NTM: variants seen among roughly 807,000 people sequenced by gnomAD.
NTM encodes the protein IgLON family member 2.
A neutral mutation model predicts 42.1 loss-of-function variants in NTM; 13 were observed. That is an observed-to-expected ratio of 0.31 (90% confidence interval 0.20 to 0.49). The LOEUF is 0.49. Ranked by LOEUF, NTM falls within the 20% of genes least tolerant of loss-of-function variation. The pLI, the probability that NTM is intolerant of heterozygous loss-of-function variation, is 0.99. For missense variants in NTM, 373 were observed against 452.8 expected, an observed-to-expected ratio of 0.82 and a Z score of 1.60; for synonymous variants, 187 against 179.2, an observed-to-expected ratio of 1.04 and a Z score of -0.35.
At chr11:131,497,351 G>A (rs1170718993) in intron 1 of NTM, among the ~76,000 whole-genome samples, 1 of 142,066 alleles carries the variant, frequency 7.0e-6, no homozygotes, top group East Asian at 2.2e-4. Context: ...ACCATGCCTG[G>A]CTAACTTTTG....
At chr11:132,308,691 C>T (rs1460524785) in intron 5 of NTM, among the ~76,000 whole-genome samples, 1 of 151,684 alleles carries the variant, frequency 6.6e-6, no homozygotes, top group Non-Finnish European at 1.5e-5. Flanking sequence ...GGAGAATATC[C>T]AGTCTTTCAG....
intron 1 of NTM, among the ~76,000 whole-genome samples, chr11:131,887,984 C>T (rs1015564224): frequency 1.3e-5 from 2 of 152,218 alleles, no homozygotes; most frequent in African/African-American, 4.8e-5. Context: ...ATCTCAGCTT[C>T]TGGCTTCAGT....
At chr11:131,487,635 C>A (rs1314683050) in intron 1 of NTM, among the ~76,000 whole-genome samples, 1 of 152,146 alleles carries the variant, frequency 6.6e-6, no homozygotes, top group Non-Finnish European at 1.5e-5. Context: ...ATTGAGGAGA[C>A]AGTTTACAGA....
intron 1 of NTM, among the ~76,000 whole-genome samples, chr11:131,667,261 GGTT>G (rs2069232904): frequency 6.6e-6 from 1 of 152,088 alleles, no homozygotes; most frequent in African/African-American, 2.4e-5. Flanking sequence ...CTCTTCCGTG[GGTT>G]GTTCTTGTTC....
chr11:131,557,201 C>T (rs1377265569), intron 1 of NTM, among the ~76,000 whole-genome samples: 1 of 151,970 alleles, frequency 6.6e-6, no homozygotes. Context: ...AGTAGGGTAA[C>T]TAGGTTGCTA....
chr11:132,090,478 G>A (rs544270626), intron 2 of NTM, among the ~76,000 whole-genome samples: 11 of 152,058 alleles, frequency 7.2e-5, no homozygotes, highest in East Asian at 5.8e-4. Flanking sequence ...TCTGCCCTCC[G>A]TTTTAGGGTG....
At chr11:131,654,371 G>A (rs1186050005) in intron 1 of NTM, among the ~76,000 whole-genome samples, 1 of 152,144 alleles carries the variant, frequency 6.6e-6, no homozygotes, top group Non-Finnish European at 1.5e-5. Flanking sequence ...CCTGGGAGGA[G>A]GTGAGGGGAC....
intron 2 of NTM, among the ~76,000 whole-genome samples, chr11:132,082,471 G>A (rs207472540): frequency 2.8e-4 from 42 of 151,982 alleles, no homozygotes; most frequent in African/African-American, 9.6e-4. Flanking sequence ...AAAAATCAAT[G>A]CGTACTCCAT....
At chr11:131,447,195 C>T (rs979015979) in intron 1 of NTM, among the ~76,000 whole-genome samples, 1 of 152,186 alleles carries the variant, frequency 6.6e-6, no homozygotes, top group South Asian at 2.1e-4. Flanking sequence ...GATAGAACCA[C>T]ATGGTTTTGC....
chr11:131,684,163 C>T (rs543154302), intron 1 of NTM, among the ~76,000 whole-genome samples: 1 of 152,244 alleles, frequency 6.6e-6, no homozygotes, highest in South Asian at 2.1e-4. Context: ...GAAATGAGCT[C>T]CTGTGTGTGG....
chr11:131,634,826 A>G (rs1237146902), intron 1 of NTM, among the ~76,000 whole-genome samples: 1 of 152,194 alleles, frequency 6.6e-6, no homozygotes, highest in Non-Finnish European at 1.5e-5. Flanking sequence ...ATACTTGTAA[A>G]TATTACAAAT....
At chr11:132,024,061 G>T (rs1020270691) in intron 2 of NTM, among the ~76,000 whole-genome samples, 1 of 151,584 alleles carries the variant, frequency 6.6e-6, no homozygotes, top group Non-Finnish European at 1.5e-5. Flanking sequence ...CTCGTGATCC[G>T]CCCACCTCGG....
intron 2 of NTM, among the ~76,000 whole-genome samples, chr11:132,034,290 T>C (rs2076253941): frequency 1.3e-5 from 2 of 152,338 alleles, no homozygotes; most frequent in African/African-American, 4.8e-5. Flanking sequence ...TCTCATCTCT[T>C]TCCTGCCTGC....
At chr11:131,427,789 G>T (rs2135885372) in intron 1 of NTM, among the ~76,000 whole-genome samples, 1 of 152,298 alleles carries the variant, frequency 6.6e-6, no homozygotes, top group South Asian at 2.1e-4. Context: ...TGCTTTGAAG[G>T]GTTGGCATGA....
chr11:131,732,225 T>A (rs563160685), intron 1 of NTM, among the ~76,000 whole-genome samples: 1 of 152,350 alleles, frequency 6.6e-6, no homozygotes, highest in East Asian at 1.9e-4. Flanking sequence ...ATTTGTTATT[T>A]ATTCACCCAA....
chr11:131,637,626 A>G (rs2064572885), intron 1 of NTM, among the ~76,000 whole-genome samples: 1 of 151,564 alleles, frequency 6.6e-6, no homozygotes, highest in East Asian at 2.0e-4. Context: ...TCCTCATACC[A>G]TTATTGAGGG....
chr11:131,926,847 T>C (rs2058024396), intron 2 of NTM, among the ~76,000 whole-genome samples: 2 of 152,220 alleles, frequency 1.3e-5, no homozygotes, highest in Admixed American at 1.3e-4. Context: ...AACTGAAATG[T>C]CATCCTTCTT....
chr11:132,083,986 A>T (rs960918578), intron 2 of NTM, among the ~76,000 whole-genome samples: 8 of 152,040 alleles, frequency 5.3e-5, no homozygotes, highest in African/African-American at 1.9e-4. Context: ...ATTTTAAGCA[A>T]AAGTTAAAAA....
intron 1 of NTM, among the ~76,000 whole-genome samples, chr11:131,549,470 G>A (rs1311107316): frequency 1.3e-5 from 2 of 152,114 alleles, no homozygotes; most frequent in Admixed American, 1.3e-4. Context: ...GTTGTCAACT[G>A]CCTACAAGAT....
Sources: allele counts gnomAD v4.1 joint callset (sites outside exome capture counted in the v4.1 genomes callset), GRCh38; gene constraint gnomAD v4.1.1; transcripts MANE v1.5; gene names NCBI Gene and HGNC (gene_info 2026-07-23, HGNC 2026-07-21).